ANTXRL: variants seen among roughly 807,000 people sequenced by gnomAD.
The protein encoded by ANTXRL is ANTXR like.
ANTXRL carries 63 observed loss-of-function variants against 75.4 expected under a neutral mutation model. The observed-to-expected ratio is 0.84, with a 90% CI of 0.68 to 1.03. The LOEUF (loss-of-function observed/expected upper bound fraction) is 1.03, where lower values mean the gene tolerates loss of function less well. Among genes scored for constraint, ANTXRL ranks in the 50% least tolerant of loss-of-function variants. The pLI, the probability that ANTXRL is intolerant of heterozygous loss-of-function variation, is 0.00. For missense variants in ANTXRL, 797 were observed against 789.4 expected, an observed-to-expected ratio of 1.01 and a Z score of -0.12; for synonymous variants, 335 against 291.3, an observed-to-expected ratio of 1.15 and a Z score of -1.53.
chr10:46,313,103 C>T (rs2132834233), intron 15 of ANTXRL, 133 bp from the exon 16 acceptor site: 3 of 815,994 alleles, frequency 3.7e-6, no homozygotes, highest in Non-Finnish European at 6.0e-6. Flanking sequence ...CCAGGCCCCT[C>T]CCCCAGAGGG....
At chr10:46,292,154 C>T (rs1421602827) in intron 2 of ANTXRL, 25 bp downstream of exon 2, 15 of 1,533,818 alleles carry the variant, frequency 9.8e-6, no homozygotes, top group Non-Finnish European at 1.3e-5. Flanking sequence ...ATGGCAGCCT[C>T]CCCTGAGCTG....
intron 12 of ANTXRL, chr10:46,308,519 G>A (rs1554962569): frequency 9.0e-6 from 4 of 443,200 alleles, no homozygotes; most frequent in Non-Finnish European, 1.4e-5. Flanking sequence ...TCCCACGGAT[G>A]CCGCCCAAGA....
In ANTXRL at chr10:46,312,402, G is replaced by A. The variant is rs1389867343; in HGVS notation, c.1329+737G>A. On this transcript the variant is annotated intron_variant, in intron 15 of 16. Coordinates refer to ENST00000620264, the MANE Select transcript of ANTXRL (RefSeq NM_001278688.3). ...GGGGAACCCTGCCAGACAGCAGCAG[G>A]GGACCCTGCACAGGGGTAGAGAGGG... Among the ~76,000 whole-genome samples, 23 of 147,060 alleles carry A rather than the reference G, an allele frequency of 1.6e-4. 4 individuals carry two copies. Among genetic ancestry groups the A allele is most frequent in the Non-Finnish European group, 3.0e-4 (20 of 65,696 alleles).
intron 9 of ANTXRL, among the ~76,000 whole-genome samples, chr10:46,301,880 G>C (rs187908517): frequency 2.0e-5 from 3 of 152,198 alleles, no homozygotes; most frequent in Admixed American, 2.0e-4. Context: ...TGGGCCAGGA[G>C]GCAGGGGTGG....
chr10:46,328,400 G>C (rs1325592610), intron 16 of ANTXRL, among the ~76,000 whole-genome samples: 1 of 152,076 alleles, frequency 6.6e-6, no homozygotes. Context: ...AAAAGGCCAG[G>C]CTTTCAATTT....
At position 46,314,462 on chromosome 10, in the gene ANTXRL, TG is replaced by T. The variant is rs540973897; in HGVS notation, c.1410+1147del. Among the ~76,000 whole-genome samples, 198 of 152,108 alleles carry T rather than the reference TG, an allele frequency of 1.3e-3. 2 individuals are homozygous for T. The highest frequency in any genetic ancestry group is 4.5e-3 in the African/African-American group (185 of 41,492). On this transcript the variant is annotated intron_variant, in intron 16 of 16. Coordinates refer to ENST00000620264, the MANE Select transcript of ANTXRL (RefSeq NM_001278688.3). ...TGAGACACTTAGGAGGGATAGAGCT[TG>T]ACGGCCGAGTGTGAAAACAGGCACC...
chr10:46,320,404 C>T (rs2132886418), intron 16 of ANTXRL, among the ~76,000 whole-genome samples: 1 of 152,094 alleles, frequency 6.6e-6, no homozygotes, highest in East Asian at 1.9e-4. Context: ...GAGAAGTGTC[C>T]ATTTAGTTGT....
At chr10:46,292,160 A>T in intron 2 of ANTXRL, 31 bp downstream of exon 2, 2 of 1,531,576 alleles carry the variant, frequency 1.3e-6, no homozygotes, top group Non-Finnish European at 1.8e-6. Context: ...GCCTCCCCTG[A>T]GCTGCAGAGA....
intron 16 of ANTXRL, among the ~76,000 whole-genome samples, chr10:46,329,163 G>A (rs782132407): frequency 2.0e-5 from 3 of 152,128 alleles, no homozygotes; most frequent in Non-Finnish European, 4.4e-5. Flanking sequence ...CAAGGGAACC[G>A]TGGAGCTGCT....
intron 16 of ANTXRL, among the ~76,000 whole-genome samples, chr10:46,316,213 G>T (rs1838716239): frequency 6.6e-6 from 1 of 152,024 alleles, no homozygotes; most frequent in African/African-American, 2.4e-5. Flanking sequence ...TTTAATTCGT[G>T]TGCGCACCAC....
At chr10:46,293,231 A>T (rs1195426542) in intron 2 of ANTXRL, 177 of 137,966 alleles carry the variant, frequency 1.3e-3, no homozygotes, top group Admixed American at 2.6e-3. Flanking sequence ...TGTGTGTGTG[A>T]GTGTGTATGC....
At chr10:46,320,550 G>A (rs1554965409) in intron 16 of ANTXRL, among the ~76,000 whole-genome samples, 1 of 152,084 alleles carries the variant, frequency 6.6e-6, no homozygotes, top group African/African-American at 2.4e-5. Context: ...TGGCCAACAT[G>A]GCAAAACCCC....
rs560702164 is a variant in ANTXRL, at chr10:46,326,949, G to A, written c.1411-2650G>A. Among the ~76,000 whole-genome samples, 10 of 152,190 alleles carry A rather than the reference G, an allele frequency of 6.6e-5. No homozygotes were observed. The South Asian group carries it at 2.1e-3, about 32-fold the overall frequency. On this transcript the variant is annotated intron_variant, in intron 16 of 16. Transcript: ENST00000620264. ...GGGTGAGGGTGCTGTTATGTGAAGG[G>A]ACCCCAACTCTGTGCTGCAAGGAGA...
rs1171697814 is a variant in ANTXRL at position 46,302,813 on chromosome 10, T to C, written c.888T>C (p.Thr296=). 1.3e-5 allele frequency: 20 copies of C among 1,533,636 alleles called. No homozygotes were observed. Among genetic ancestry groups the C allele is most frequent in the African/African-American group, 4.1e-5 (3 of 72,870 alleles). ...GCAGATTTATCTTCAATGAAAGCAC[T>C]ATCATTGGTAAGTTGTCTCCTCTGT... ...VICRFIFNES[T]IIDEKPTSID... Residue 296 remains threonine (T), a synonymous_variant, in exon 10 of 17, where the codon ACT becomes ACC. Transcript: ENST00000620264.
chr10:46,316,576 C>G (rs1838736753), intron 16 of ANTXRL, among the ~76,000 whole-genome samples: 1 of 152,032 alleles, frequency 6.6e-6, no homozygotes, highest in Admixed American at 6.5e-5. Flanking sequence ...CTCAACATGG[C>G]AGGGTTGTTG....
rs1588854405 is a variant in ANTXRL at position 46,314,761 on chromosome 10, C to G, written c.1410+1445C>G. Among the ~76,000 whole-genome samples the G allele has an allele frequency of 2.0e-5, 3 of 152,142 alleles. No individual in the cohort carries two copies. In the East Asian group the frequency reaches 5.8e-4, roughly 29 times the overall value. Reference sequence around the variant, plus strand: ...CTTGCGATTCTTGGAAAAGGAGAGACAATCCCTGTTTTACTAATGGCAAAA... The same window carrying G: ...CTTGCGATTCTTGGAAAAGGAGAGAGAATCCCTGTTTTACTAATGGCAAAA... On this transcript the variant is annotated intron_variant, in intron 16 of 16. Coordinates refer to ENST00000620264, the MANE Select transcript of ANTXRL (RefSeq NM_001278688.3).
At chr10:46,298,529 G>A (rs1262657109) in intron 9 of ANTXRL, among the ~76,000 whole-genome samples, 1 of 151,828 alleles carries the variant, frequency 6.6e-6, no homozygotes, top group Non-Finnish European at 1.5e-5. Flanking sequence ...GTGTGTGTGT[G>A]TGGTGTATGT....
chr10:46,302,394 G>A (rs1272406888), intron 9 of ANTXRL, among the ~76,000 whole-genome samples: 12 of 152,166 alleles, frequency 7.9e-5, no homozygotes, highest in African/African-American at 2.9e-4. Context: ...CTGGGGCCGA[G>A]GGAGCACCAC....
In ANTXRL at chr10:46,292,172, C is replaced by G. The variant is rs566226192; in HGVS notation, c.320+43C>G. ...GCAGCCTCCCCTGAGCTGCAGAGAG[C>G]TTTTCTTCTGGAAGGCAGGCAGAGG... On this transcript the variant is annotated intron_variant, in intron 2 of 16. Coordinates refer to ENST00000620264, the MANE Select transcript of ANTXRL (RefSeq NM_001278688.3). 2.0e-6 allele frequency: 3 copies of G among 1,528,884 alleles called. No individual in the cohort carries two copies. The African/African-American group carries it at 4.1e-5, about 21-fold the overall frequency. 94.7% of individuals were successfully genotyped at this position (1,528,884 alleles called of 1,614,324 possible).
Sources: gnomAD v4.1 joint callset for allele counts (sites outside exome capture counted in the v4.1 genomes callset) on GRCh38, gnomAD v4.1.1 for gene constraint, MANE v1.5 for transcripts, NCBI Gene and HGNC (gene_info 2026-07-23, HGNC 2026-07-21) for gene names.